The following GREB1L variants were observed in gnomAD, a reference collection of about 807,000 sequenced individuals.
GREB1L encodes GREB1-like protein.
GREB1L carries 17 observed loss-of-function variants against 200.8 expected under a neutral mutation model. The observed-to-expected ratio is 0.08, with a 90% confidence interval of 0.06 to 0.13. The LOEUF is 0.13. Ranked by LOEUF, GREB1L falls within the 10% of genes least tolerant of loss-of-function variation. The pLI is 1.00. For synonymous variants in GREB1L, 789 were observed against 893.0 expected (o/e 0.88, Z 2.08); for missense variants, 1,657 against 2,367.7 (o/e 0.70, Z 6.23).
At chr18:21,326,405 A>G (rs1270396861) in intron 1 of GREB1L, among the ~76,000 whole-genome samples, 1 of 152,220 alleles carries the variant, frequency 6.6e-6, no homozygotes, top group Non-Finnish European at 1.5e-5. Context: ...GAGGCAATCT[A>G]GGTCCAAGAT....
At chr18:21,245,755 C>G (rs1032593971) in intron 1 of GREB1L, among the ~76,000 whole-genome samples, 1 of 151,940 alleles carries the variant, frequency 6.6e-6, no homozygotes, top group African/African-American at 2.4e-5. Flanking sequence ...TCTTGCTTTG[C>G]CACCCAGGCT....
chr18:21,356,025 C>T (rs931497434), intron 1 of GREB1L, among the ~76,000 whole-genome samples: 5 of 124,124 alleles, frequency 4.0e-5, no homozygotes, highest in Non-Finnish European at 7.9e-5. Flanking sequence ...CTCACTCTGT[C>T]GCCCAGGCTG....
At chr18:21,248,628 A>ATAC (rs1382478724) in intron 1 of GREB1L, among the ~76,000 whole-genome samples, 1 of 152,254 alleles carries the variant, frequency 6.6e-6, no homozygotes, top group African/African-American at 2.4e-5. Flanking sequence ...GGTTGTTCTT[A>ATAC]TACTAAGACT....
chr18:21,318,740 C>A (rs2144887254), intron 1 of GREB1L, among the ~76,000 whole-genome samples: 1 of 152,280 alleles, frequency 6.6e-6, no homozygotes. Flanking sequence ...AGTGACAGCT[C>A]TTTTAACCTT....
At chr18:21,277,528 A>G (rs2038188737) in intron 1 of GREB1L, among the ~76,000 whole-genome samples, 1 of 152,088 alleles carries the variant, frequency 6.6e-6, no homozygotes, top group South Asian at 2.1e-4. Context: ...TAGAATTTCA[A>G]TCCTTAGCCC....
At chr18:21,426,223 A>T (rs2032561382) in intron 7 of GREB1L, among the ~76,000 whole-genome samples, 1 of 151,610 alleles carries the variant, frequency 6.6e-6, no homozygotes, top group African/African-American at 2.4e-5. Context: ...CGCCTGGCTA[A>T]TTTTTTGTAT....
chr18:21,488,106 A>G (rs2145834163), intron 18 of GREB1L, among the ~76,000 whole-genome samples: 1 of 152,120 alleles, frequency 6.6e-6, no homozygotes, highest in Non-Finnish European at 1.5e-5. Flanking sequence ...GGAGTTTGAG[A>G]CCAGCCTGAT....
At chr18:21,418,002 AAAAG>A (rs1326124854) in intron 7 of GREB1L, among the ~76,000 whole-genome samples, 2 of 151,944 alleles carry the variant, frequency 1.3e-5, no homozygotes, top group African/African-American at 4.8e-5. Flanking sequence ...AAAGAAAAGA[AAAAG>A]AAAACCACTG....
chr18:21,476,660 C>T (rs989120865), intron 16 of GREB1L, among the ~76,000 whole-genome samples: 1 of 151,998 alleles, frequency 6.6e-6, no homozygotes, highest in Non-Finnish European at 1.5e-5. Flanking sequence ...ACCTCCTCCT[C>T]CTGGTTCAAG....
In GREB1L at chr18:21,513,808, T is replaced by G; in HGVS notation, c.4736-13T>G. 6.5e-7 allele frequency: 1 copy of G among 1,550,270 alleles called. No individual in the cohort carries two copies. Among genetic ancestry groups the G allele is most frequent in the Non-Finnish European group, 8.7e-7 (1 of 1,146,568 alleles). ...ATGTGTGGATATGCAGATGTGGTTA[T>G]GTTGCCTTCCAGGTGCTGCCAGGTT... On this transcript the variant is annotated splice_polypyrimidine_tract_variant and intron_variant, in intron 27 of 32. Coordinates refer to ENST00000424526, the MANE Select transcript of GREB1L (RefSeq NM_001142966.3).
chr18:21,397,538 A>ATAAT (rs1276710705), intron 5 of GREB1L, among the ~76,000 whole-genome samples: 47 of 133,090 alleles, frequency 3.5e-4, no homozygotes, highest in Non-Finnish European at 5.3e-4. Context: ...AAAAAAAAAA[A>ATAAT]AAAAATAATA....
At position 21,499,740 on chromosome 18, in the gene GREB1L, G is replaced by A; in HGVS notation, c.3403G>A (p.Glu1135Lys). ...AVTGTSGSIM[E>K]NGVSSSSTAD... ...CTGTTCTCTCACAGGTTCCATCATG[G>A]AGAATGGAGTGAGCTCTTCCAGCAC... The change falls in exon 22 of 33, where the codon GAG becomes AAG. Residue 1135 changes from glutamate to lysine, a missense_variant. Around this residue, in one of 9 missense-constraint regions of GREB1L, gnomAD observed 512 missense variants for 668.3 expected, o/e 0.77. Transcript: ENST00000424526. The A allele has an allele frequency of 6.4e-7, 1 of 1,550,868 alleles. No individual in the cohort carries two copies. Among genetic ancestry groups the A allele is most frequent in the Non-Finnish European group, 8.7e-7 (1 of 1,146,048 alleles).
chr18:21,421,033 A>G (rs2032104544), intron 7 of GREB1L, among the ~76,000 whole-genome samples: 1 of 152,236 alleles, frequency 6.6e-6, no homozygotes, highest in Non-Finnish European at 1.5e-5. Flanking sequence ...GGGATACTGT[A>G]CAATTCTATG....
chr18:21,472,136 C>T (rs2035507554), intron 15 of GREB1L, among the ~76,000 whole-genome samples: 1 of 152,056 alleles, frequency 6.6e-6, no homozygotes, highest in Admixed American at 6.6e-5. Flanking sequence ...AACTTTTTTT[C>T]TGTTATACCG....
chr18:21,399,251 T>G (rs2041208103), intron 5 of GREB1L, among the ~76,000 whole-genome samples: 1 of 152,198 alleles, frequency 6.6e-6, no homozygotes, highest in Admixed American at 6.5e-5. Context: ...TTTCTGTGTT[T>G]TGGGTGTGGC....
chr18:21,389,770 G>A (rs574716035), intron 4 of GREB1L, among the ~76,000 whole-genome samples: 2 of 152,216 alleles, frequency 1.3e-5, no homozygotes, highest in African/African-American at 4.8e-5. Flanking sequence ...TTACTTTTGC[G>A]GCTTGCCAAA....
intron 5 of GREB1L, among the ~76,000 whole-genome samples, 200 bp downstream of exon 5, chr18:21,395,761 G>A (rs1204280187): frequency 7.1e-6 from 1 of 141,130 alleles, no homozygotes; most frequent in Non-Finnish European, 1.5e-5. Flanking sequence ...ATGAAGTCTT[G>A]CTCCATCGCC....
At chr18:21,467,422 T>C (rs2035299779) in intron 15 of GREB1L, among the ~76,000 whole-genome samples, 1 of 152,126 alleles carries the variant, frequency 6.6e-6, no homozygotes, top group Non-Finnish European at 1.5e-5. Flanking sequence ...TTAATTAAGA[T>C]ATGGATGAAG....
chr18:21,321,890 T>C (rs2038957474), intron 1 of GREB1L, among the ~76,000 whole-genome samples: 1 of 152,196 alleles, frequency 6.6e-6, no homozygotes, highest in South Asian at 2.1e-4. Flanking sequence ...GATGTTTCTT[T>C]TGCATGATAC....
Sources: gnomAD v4.1 joint callset for allele counts (sites outside exome capture counted in the v4.1 genomes callset) on GRCh38, gnomAD v4.1.1 for gene constraint, gnomAD v4.1.1 regional missense constraint, MANE v1.5 for transcripts, NCBI Gene and HGNC (gene_info 2026-07-23, HGNC 2026-07-21) for gene names.